The following UBAP2 variants were observed in gnomAD, a reference collection of about 807,000 sequenced individuals.
UBAP2 encodes ubiquitin-associated protein 2.
UBAP2 carries 75 observed loss-of-function variants against 139.6 expected under a neutral mutation model. The ratio of observed to expected loss-of-function variants is 0.54; its 90% confidence interval spans 0.45 to 0.65. UBAP2 has a LOEUF of 0.65. Ranked by LOEUF, UBAP2 falls within the 30% of genes least tolerant of loss-of-function variation. UBAP2 has a pLI of 0.00. For synonymous variants in UBAP2, 526 were observed against 526.2 expected, an observed-to-expected ratio of 1.00 and a Z score of 0.01; for missense variants, 1,368 against 1,369.6, an observed-to-expected ratio of 1.00 and a Z score of 0.02.
At chr9:33,989,194 T>A (rs1259675648) in intron 4 of UBAP2, 68 bp from the exon 5 acceptor site, 4 of 1,438,016 alleles carry the variant, frequency 2.8e-6, no homozygotes, top group Non-Finnish European at 2.7e-6. Context: ...GGCACATGCA[T>A]GTATCTTTCT....
intron 9 of UBAP2, among the ~76,000 whole-genome samples, chr9:33,963,354 A>G (rs1240420498): frequency 6.6e-6 from 1 of 152,100 alleles, no homozygotes; most frequent in Non-Finnish European, 1.5e-5. Context: ...TTAAAATTTT[A>G]ATTTGGTCAT....
At chr9:33,999,914 G>A (rs1005449167) in intron 2 of UBAP2, among the ~76,000 whole-genome samples, 1 of 149,006 alleles carries the variant, frequency 6.7e-6, no homozygotes, top group Non-Finnish European at 1.5e-5. Flanking sequence ...ATGTTATTTT[G>A]AGATGGAGTC....
chr9:33,962,672 A>ATAAATAAT (rs1827150733), intron 9 of UBAP2, among the ~76,000 whole-genome samples: 1 of 134,114 alleles, frequency 7.5e-6, no homozygotes, highest in South Asian at 2.3e-4. Context: ...AAATAAATAA[A>ATAAATAAT]TAAATAAATA....
At position 33,922,874 on chromosome 9, in the gene UBAP2, A is replaced by G. The variant is rs776429442; in HGVS notation, c.3077T>C (p.Phe1026Ser). 3 of 1,597,622 alleles carry G rather than the reference A, an allele frequency of 1.9e-6. No homozygotes were observed. Among genetic ancestry groups the G allele is most frequent in the South Asian group, 1.1e-5 (1 of 89,600 alleles). Residue 1026 changes from phenylalanine (F) to serine (S), a missense_variant, in exon 28 of 29, where the codon TTT becomes TCT. Physicochemically the swap from Phe to Ser is radical, Grantham distance 155. Coordinates refer to ENST00000379238, the MANE Select transcript of UBAP2 (RefSeq NM_001370062.2). ...TGSVYNKTQT[F>S]DKQGFHAGTP... ...CCCTGCATGAAATCCCTGCTTGTCA[A>G]AAGTCTACAGGGCAAAGAAGACAAT...
intron 1 of UBAP2, among the ~76,000 whole-genome samples, chr9:34,033,256 T>C (rs374744417): frequency 9.2e-5 from 14 of 152,316 alleles, no homozygotes; most frequent in African/African-American, 3.1e-4. Flanking sequence ...ATGGTACTTA[T>C]ACACAACAGA....
Position 33,986,775 on chromosome 9 carries a change from G to A in UBAP2, c.505C>T (p.Arg169Ter). ...TCTAGCTTACCTCTACCCCGGGCTC[G>A]CTTGCCACGATCTGAAGGTTTGTCC... ...QVDKPSDRGK[R>*]ARGRGFGRGR... The change falls in exon 6 of 29, where the codon CGA becomes TGA. Residue 169 changes from arginine (R) to a stop codon, truncating the protein, a stop_gained. Coordinates refer to ENST00000379238, the MANE Select transcript of UBAP2 (RefSeq NM_001370062.2). LOFTEE classifies it high-confidence loss of function. The A allele has an allele frequency of 2.5e-6, 4 of 1,613,866 alleles. No individual in the cohort carries two copies. Among genetic ancestry groups the A allele is most frequent in the African/African-American group, 1.3e-5 (1 of 74,982 alleles).
chr9:34,016,408 G>C (rs1824348752), intron 2 of UBAP2, among the ~76,000 whole-genome samples: 1 of 147,726 alleles, frequency 6.8e-6, no homozygotes, highest in Non-Finnish European at 1.5e-5. Flanking sequence ...GGTGGTGGTG[G>C]TGGTGGCAGT....
At chr9:34,035,163 A>C (rs967267500) in intron 1 of UBAP2, among the ~76,000 whole-genome samples, 2 of 151,984 alleles carry the variant, frequency 1.3e-5, no homozygotes, top group Non-Finnish European at 2.9e-5. Context: ...CCTAATTGTC[A>C]AATCTTTCTT....
chr9:34,032,916 CAAAA>C (rs71506153), intron 1 of UBAP2, among the ~76,000 whole-genome samples: 4 of 118,072 alleles, frequency 3.4e-5, no homozygotes, highest in Non-Finnish European at 1.7e-5. Context: ...ACCCTGTCTT[CAAAA>C]AAAAAAAAAA....
intron 1 of UBAP2, among the ~76,000 whole-genome samples, chr9:34,024,078 G>T (rs1825196308): frequency 1.3e-5 from 2 of 148,864 alleles, no homozygotes; most frequent in Non-Finnish European, 3.0e-5. Context: ...CAAATACAAG[G>T]ATGGGCGCGG....
rs184826878 is a variant in UBAP2 at position 34,044,589 on chromosome 9, G to A, written c.-42+4236C>T. On this transcript the variant is annotated intron_variant, in intron 1 of 28. Transcript: ENST00000379238. ...AAATAAAAATAAAAGAAGAAGCCAG[G>A]TGTGGTGGCTCACGCAAGTAATCCC... 3.8e-4 allele frequency among the ~76,000 whole-genome samples: 58 copies of A among 152,058 alleles called. No homozygotes were observed. The East Asian group carries it at 0.01, about 27-fold the overall frequency.
At chr9:34,021,792 C>A (rs537769192) in intron 1 of UBAP2, among the ~76,000 whole-genome samples, 122 of 152,182 alleles carry the variant, frequency 8.0e-4, no homozygotes, top group South Asian at 1.7e-3. Flanking sequence ...TGCCACCACG[C>A]CCGACTAATT....
chr9:33,964,962 G>C (rs1827336295), intron 8 of UBAP2, among the ~76,000 whole-genome samples: 1 of 152,088 alleles, frequency 6.6e-6, no homozygotes, highest in Non-Finnish European at 1.5e-5. Context: ...AGGTGAATGG[G>C]GGTAACTCAA....
intron 1 of UBAP2, among the ~76,000 whole-genome samples, chr9:34,019,661 A>G (rs559638899): frequency 6.7e-6 from 1 of 149,992 alleles, no homozygotes; most frequent in South Asian, 2.1e-4. Context: ...AATGGTTACA[A>G]TAAACTTTAT....
intron 2 of UBAP2, among the ~76,000 whole-genome samples, chr9:34,005,265 GAAAAAAAA>G (rs1023617544): frequency 1.1e-5 from 1 of 88,474 alleles, no homozygotes; most frequent in Non-Finnish European, 2.3e-5. Flanking sequence ...TGTGTCTCAA[GAAAAAAAA>G]AAAAAAAAAA....
chr9:34,037,826 T>C (rs1826574110), intron 1 of UBAP2, among the ~76,000 whole-genome samples: 1 of 151,872 alleles, frequency 6.6e-6, no homozygotes, highest in East Asian at 1.9e-4. Flanking sequence ...TCAGTGACAA[T>C]ATGTAAATAC....
At chr9:34,004,012 G>A (rs563810328) in intron 2 of UBAP2, among the ~76,000 whole-genome samples, 2 of 152,192 alleles carry the variant, frequency 1.3e-5, no homozygotes, top group Admixed American at 1.3e-4. Flanking sequence ...GAGCCACCAC[G>A]CCCAGCCCCA....
intron 6 of UBAP2, among the ~76,000 whole-genome samples, chr9:33,976,868 C>T (rs1828391820): frequency 6.6e-6 from 1 of 150,668 alleles, no homozygotes; most frequent in Non-Finnish European, 1.5e-5. Context: ...AAAAATTAGC[C>T]AGACATGGTG....
intron 19 of UBAP2, among the ~76,000 whole-genome samples, chr9:33,931,131 C>A (rs1248236629): frequency 1.3e-5 from 2 of 152,176 alleles, no homozygotes; most frequent in African/African-American, 4.8e-5. Context: ...GGTCCACTTA[C>A]AGGCAGATTT....
Sources: allele counts gnomAD v4.1 joint callset (sites outside exome capture counted in the v4.1 genomes callset), GRCh38; gene constraint gnomAD v4.1.1; transcripts MANE v1.5; gene names NCBI Gene and HGNC (gene_info 2026-07-23, HGNC 2026-07-21).